The following PCSK1 variants were observed in gnomAD, a reference collection of about 807,000 sequenced individuals.
The protein encoded by PCSK1 is proprotein convertase subtilisin/kexin type 1.
In PCSK1, 56 loss-of-function variants were observed where a neutral mutation model predicts 90.6. The observed-to-expected ratio is 0.62, with a 90% CI of 0.50 to 0.77. The LOEUF is 0.77. Among genes scored for constraint, PCSK1 ranks in the 30% least tolerant of loss-of-function variants. The pLI is 0.00. For missense variants in PCSK1, 801 were observed against 932.6 expected (o/e 0.86, Z 1.84); for synonymous variants, 348 against 342.4 (o/e 1.02, Z -0.18).
rs185105250 is a variant in PCSK1 at position 96,414,392 on chromosome 5, A to T, written c.709+1641T>A. Among the ~76,000 whole-genome samples, 587 of 145,314 alleles carry T rather than the reference A, an allele frequency of 4.0e-3. 8 individuals are homozygous for T. The highest frequency in any genetic ancestry group is 0.016 in the African/African-American group (552 of 34,928). ...CTTTATAAATGGAGAGATTGAGGCCAGGAAGGGATAGTGACTTGCTCAAGG... is the reference window on the plus strand; with the variant it reads ...CTTTATAAATGGAGAGATTGAGGCCTGGAAGGGATAGTGACTTGCTCAAGG... On this transcript the variant is annotated intron_variant, in intron 6 of 13. Coordinates refer to ENST00000311106, the MANE Select transcript of PCSK1 (RefSeq NM_000439.5).
rs149897753 is a variant in PCSK1 at position 96,429,662 on chromosome 5, T to G, written c.181-345A>C. On this transcript the variant is annotated intron_variant, in intron 1 of 13. Coordinates refer to ENST00000311106, the MANE Select transcript of PCSK1 (RefSeq NM_000439.5). The stretch of plus-strand genomic sequence containing the variant: ...TGTTGTTCCCCTCTATGTATTTACG[T>G]GTTCTCATCATTTAGCTCTCACTTG... Among the ~76,000 whole-genome samples the G allele has an allele frequency of 6.3e-3, 962 of 152,310 alleles. 11 individuals carry two copies. Among genetic ancestry groups the G allele is most frequent in the African/African-American group, 0.022 (931 of 41,554 alleles).
rs886060876 is a variant in PCSK1, at chr5:96,391,089, C to T, written c.*1912G>A. On this transcript the variant is annotated 3_prime_UTR_variant, in exon 14 of 14. Coordinates refer to ENST00000311106, the MANE Select transcript of PCSK1 (RefSeq NM_000439.5). ...TAGTTTTAATACTTTTTGATATGCT[C>T]CAATATTGGAAATTCTATCTAACAC... 6.6e-6 allele frequency: 1 copy of T among 152,160 alleles called. No individual in the cohort carries two copies. The highest frequency in any genetic ancestry group is 2.4e-5 in the African/African-American group (1 of 41,422). The allele number at this position is 152,160 out of a possible 1,614,324, so 9.4% of individuals were successfully genotyped here.
At chr5:96,398,040 G>A (rs1382494788) in intron 11 of PCSK1, among the ~76,000 whole-genome samples, 1 of 151,900 alleles carries the variant, frequency 6.6e-6, no homozygotes, top group Admixed American at 6.6e-5. Context: ...TTAAGTCCCA[G>A]CCCTTTCTAG....
chr5:96,410,617 T>C (rs534336207), intron 8 of PCSK1, among the ~76,000 whole-genome samples, 157 bp downstream of exon 8: 1 of 152,260 alleles, frequency 6.6e-6, no homozygotes, highest in Non-Finnish European at 1.5e-5. Flanking sequence ...AACTTTCTGA[T>C]GGATGCCAGC....
intron 4 of PCSK1, among the ~76,000 whole-genome samples, chr5:96,423,019 T>G (rs1357494784): frequency 6.6e-6 from 1 of 152,188 alleles, no homozygotes; most frequent in Non-Finnish European, 1.5e-5. Context: ...CCCCAAACAC[T>G]GAGCAACTCA....
At chr5:96,397,261 T>C in intron 12 of PCSK1, 75 bp downstream of exon 12, 1 of 1,316,024 alleles carries the variant, frequency 7.6e-7, no homozygotes, top group Non-Finnish European at 1.1e-6. Context: ...TAATTAATGA[T>C]GAAATCAACC....
chr5:96,423,289 A>G (rs776233357), intron 4 of PCSK1, 24 bp downstream of exon 4: 6 of 1,594,368 alleles, frequency 3.8e-6, no homozygotes, highest in Non-Finnish European at 5.1e-6. Context: ...CCTAAGTCAC[A>G]GTCATGAGAA....
intron 11 of PCSK1, among the ~76,000 whole-genome samples, chr5:96,397,933 CATT>C (rs1356184003): frequency 6.6e-6 from 1 of 151,618 alleles, no homozygotes; most frequent in African/African-American, 2.4e-5. Flanking sequence ...ATTATGCAAT[CATT>C]AATAATCATA....
At chr5:96,421,684 G>C (rs1277552377) in intron 5 of PCSK1, among the ~76,000 whole-genome samples, 196 bp downstream of exon 5, 1 of 152,004 alleles carries the variant, frequency 6.6e-6, no homozygotes, top group Non-Finnish European at 1.5e-5. Context: ...TGAAAATATG[G>C]TTCTATAAAC....
At chr5:96,393,829 C>T (rs944487759) in intron 13 of PCSK1, among the ~76,000 whole-genome samples, 3 of 152,158 alleles carry the variant, frequency 2.0e-5, no homozygotes, top group African/African-American at 7.2e-5. Context: ...TTCAGAACTA[C>T]CCTTTTAGCC....
Position 96,392,763 on chromosome 5 carries a change from C to A in PCSK1, c.*238G>T. The A allele has an allele frequency of 3.6e-6, 2 of 561,756 alleles. No homozygotes were observed. The highest frequency in any genetic ancestry group is 6.3e-6 in the Non-Finnish European group (2 of 315,616). The allele number at this position is 561,756 out of a possible 1,614,324, so 34.8% of individuals were successfully genotyped here. ...CTGTGACTCCAGAAAGAACAAAACA[C>A]TTCACTTGTGCAGACAGGAAAGATG... On this transcript the variant is annotated 3_prime_UTR_variant, in exon 14 of 14. Coordinates refer to ENST00000311106, the MANE Select transcript of PCSK1 (RefSeq NM_000439.5).
At chr5:96,412,587 T>G in intron 6 of PCSK1, 97 bp from the exon 7 acceptor site, 1 of 1,198,974 alleles carries the variant, frequency 8.3e-7, no homozygotes. Flanking sequence ...TTAAAGGATT[T>G]TAAGAGTCAA....
At chr5:96,418,997 C>T (rs1209903509) in intron 5 of PCSK1, among the ~76,000 whole-genome samples, 4 of 152,030 alleles carry the variant, frequency 2.6e-5, no homozygotes, top group Non-Finnish European at 4.4e-5. Context: ...CCACAGCAAA[C>T]ACTTACTTAA....
intron 1 of PCSK1, among the ~76,000 whole-genome samples, chr5:96,431,048 C>CA (rs1307857533): frequency 1.3e-5 from 2 of 152,154 alleles, no homozygotes; most frequent in Admixed American, 6.5e-5. Flanking sequence ...ACACGGTTAC[C>CA]AGTGCTATTT....
chr5:96,412,752 G>GATTTTTTT (rs1760801495), intron 6 of PCSK1, among the ~76,000 whole-genome samples: 1 of 71,832 alleles, frequency 1.4e-5, no homozygotes, highest in Admixed American at 1.7e-4. Flanking sequence ...CAGCTGTGAT[G>GATTTTTTT]TTTTTTTTTT....
At chr5:96,424,663 C>A (rs1311736571) in intron 3 of PCSK1, among the ~76,000 whole-genome samples, 4 of 152,038 alleles carry the variant, frequency 2.6e-5, no homozygotes, top group Non-Finnish European at 4.4e-5. Context: ...TGAGCAAATA[C>A]TTAAGATAGT....
At position 96,397,422 on chromosome 5, in the gene PCSK1, TAGG is replaced by T; in HGVS notation, c.1633_1635del (p.Pro545del). 4.3e-6 allele frequency: 7 copies of T among 1,612,402 alleles called. No individual in the cohort carries two copies. Among genetic ancestry groups the T allele is most frequent in the Non-Finnish European group, 5.1e-6 (6 of 1,178,416 alleles). ...ATGAAGTCCCAATTCTTAAAGCCAT[TAGG>T]AGATGTATCCCGTTCTCTTTCAGCC... On this transcript the variant is annotated inframe_deletion, in exon 12 of 14. Coordinates refer to ENST00000311106, the MANE Select transcript of PCSK1 (RefSeq NM_000439.5).
chr5:96,423,065 C>T (rs551067006), intron 4 of PCSK1, among the ~76,000 whole-genome samples: 2 of 152,308 alleles, frequency 1.3e-5, no homozygotes, highest in Non-Finnish European at 2.9e-5. Flanking sequence ...TTGGTGTAGG[C>T]ACTGCCCCTT....
chr5:96,432,145 G>C (rs757206317), intron 1 of PCSK1: 1 of 1,535,180 alleles, frequency 6.5e-7, no homozygotes, highest in South Asian at 1.2e-5. Flanking sequence ...TCTCGACCCT[G>C]CAGTGGGACT....
Sources: gnomAD v4.1 joint callset for allele counts (sites outside exome capture counted in the v4.1 genomes callset) on GRCh38, gnomAD v4.1.1 for gene constraint, MANE v1.5 for transcripts, NCBI Gene and HGNC (gene_info 2026-07-23, HGNC 2026-07-21) for gene names.